ZNF438: variants seen among roughly 807,000 people sequenced by gnomAD.
The protein encoded by ZNF438 is zinc finger protein 438.
In ZNF438, 25 loss-of-function variants were observed where a neutral mutation model predicts 38.0. The ratio of observed to expected loss-of-function variants is 0.66; its 90% CI spans 0.48 to 0.92. The LOEUF is 0.92. ZNF438 is among the 40% of genes least tolerant of loss of function. The pLI is 0.00. For missense variants in ZNF438, 1,007 were observed against 999.6 expected (o/e 1.01, Z -0.10); for synonymous variants, 372 against 364.1 (o/e 1.02, Z -0.25).
chr10:30,898,504 T>TA (rs2134190514), intron 3 of ZNF438, among the ~76,000 whole-genome samples: 1 of 152,208 alleles, frequency 6.6e-6, no homozygotes, highest in Non-Finnish European at 1.5e-5. Flanking sequence ...TTTAATTGGG[T>TA]ATAATACATG....
chr10:30,979,295 C>T (rs1261256338), intron 1 of ZNF438, among the ~76,000 whole-genome samples: 1 of 152,204 alleles, frequency 6.6e-6, no homozygotes, highest in East Asian at 1.9e-4. Context: ...ATTCCATGCT[C>T]ATGGATAGGA....
chr10:30,889,344 A>T (rs1473464625), intron 3 of ZNF438, among the ~76,000 whole-genome samples: 2 of 152,120 alleles, frequency 1.3e-5, no homozygotes, highest in African/African-American at 2.4e-5. Context: ...TTTGGCAATC[A>T]CCTTCCTTCC....
At chr10:30,846,889 C>G (rs2032279736) in intron 5 of ZNF438, among the ~76,000 whole-genome samples, 1 of 152,240 alleles carries the variant, frequency 6.6e-6, no homozygotes, top group Admixed American at 6.5e-5. Context: ...CAAAGCAAGG[C>G]TGGGGCTGAG....
At chr10:31,023,116 A>C (rs1272129090) in intron 1 of ZNF438, among the ~76,000 whole-genome samples, 1 of 152,216 alleles carries the variant, frequency 6.6e-6, no homozygotes. Flanking sequence ...CAAATACTAA[A>C]ATATTTTGCT....
chr10:30,921,305 A>G (rs1230765258), intron 2 of ZNF438: 2 of 152,240 alleles, frequency 1.3e-5, no homozygotes, highest in African/African-American at 2.4e-5. Context: ...TTGCCTCAAT[A>G]AAGTCTCAAA....
chr10:30,850,486 C>G, intron 4 of ZNF438, 119 bp from the exon 6 acceptor site: 1 of 1,166,052 alleles, frequency 8.6e-7, no homozygotes, highest in Non-Finnish European at 1.2e-6. Flanking sequence ...ACCTCCAAGC[C>G]TTCTGGGCAA....
chr10:30,926,332 C>T (rs2044911177), intron 2 of ZNF438, among the ~76,000 whole-genome samples: 1 of 152,156 alleles, frequency 6.6e-6, no homozygotes, highest in South Asian at 2.1e-4. Context: ...CAAGTGTCTA[C>T]CAAGTCCATG....
intron 2 of ZNF438, among the ~76,000 whole-genome samples, chr10:30,937,636 T>C (rs532065603): frequency 6.6e-6 from 1 of 152,300 alleles, no homozygotes; most frequent in African/African-American, 2.4e-5. Context: ...AGAGATCAAA[T>C]TAATGAGGGT....
chr10:30,974,325 T>C (rs2051088201), intron 1 of ZNF438, among the ~76,000 whole-genome samples: 1 of 152,156 alleles, frequency 6.6e-6, no homozygotes, highest in Non-Finnish European at 1.5e-5. Context: ...ATAAAAAAAT[T>C]AGCCGAGGCT....
chr10:30,892,116 T>A (rs1479927056), intron 3 of ZNF438, among the ~76,000 whole-genome samples: 1 of 151,738 alleles, frequency 6.6e-6, no homozygotes, highest in Non-Finnish European at 1.5e-5. Context: ...AGGGCTTTGA[T>A]CAGTTTGGAT....
exon 5 of ZNF438, chr10:30,849,492 C>T: frequency 6.2e-7 from 1 of 1,614,208 alleles, no homozygotes; most frequent in Non-Finnish European, 8.5e-7. Context: ...ATTTTGTAAA[C>T]CTCCATTGTC....
At chr10:30,893,303 C>T (rs1406444344) in intron 3 of ZNF438, among the ~76,000 whole-genome samples, 1 of 152,178 alleles carries the variant, frequency 6.6e-6, no homozygotes, top group Non-Finnish European at 1.5e-5. Context: ...TTCCCATCTC[C>T]AGGACTTAGA....
At chr10:30,850,519 G>C (rs1159320578) in intron 4 of ZNF438, 152 bp from the exon 6 acceptor site, 1 of 765,426 alleles carries the variant, frequency 1.3e-6, no homozygotes, top group Non-Finnish European at 2.0e-6. Flanking sequence ...CTCAAGACCA[G>C]CTTGAAGATC....
intron 2 of ZNF438, among the ~76,000 whole-genome samples, chr10:30,940,483 T>C (rs571617774): frequency 6.6e-4 from 100 of 152,168 alleles, no homozygotes; most frequent in Non-Finnish European, 1.1e-3. Context: ...GCAGGGGACA[T>C]CACAGGCAGG....
At chr10:30,905,010 G>A (rs2042432612) in intron 3 of ZNF438, among the ~76,000 whole-genome samples, 1 of 152,124 alleles carries the variant, frequency 6.6e-6, no homozygotes, top group Non-Finnish European at 1.5e-5. Flanking sequence ...ACCCCTTTGT[G>A]TTCATATGGT....
At chr10:30,860,818 G>C (rs1171953544) in intron 4 of ZNF438, among the ~76,000 whole-genome samples, 1 of 152,196 alleles carries the variant, frequency 6.6e-6, no homozygotes, top group Non-Finnish European at 1.5e-5. Flanking sequence ...GAGGCCAACT[G>C]TTGGTCTTAA....
At chr10:30,976,763 A>ACCT (rs2051408430) in intron 1 of ZNF438, among the ~76,000 whole-genome samples, 1 of 151,222 alleles carries the variant, frequency 6.6e-6, no homozygotes, top group Non-Finnish European at 1.5e-5. Flanking sequence ...AAGAAGTCAT[A>ACCT]TTACTCTGAT....
chr10:30,969,145 A>G (rs960590924), intron 1 of ZNF438, among the ~76,000 whole-genome samples: 1 of 152,156 alleles, frequency 6.6e-6, no homozygotes, highest in Non-Finnish European at 1.5e-5. Context: ...GCCACAGAGT[A>G]AGTCAAAAAA....
At chr10:30,987,324 A>AG (rs2052937282) in intron 1 of ZNF438, among the ~76,000 whole-genome samples, 1 of 151,826 alleles carries the variant, frequency 6.6e-6, no homozygotes, top group Admixed American at 6.6e-5. Flanking sequence ...TGTCTCAAAA[A>AG]AAAAAAAAAA....
Sources: allele counts gnomAD v4.1 joint callset (sites outside exome capture counted in the v4.1 genomes callset), GRCh38; gene constraint gnomAD v4.1.1; transcripts MANE v1.5; gene names NCBI Gene and HGNC (gene_info 2026-07-23, HGNC 2026-07-21).